The following TNPO1 variants were observed in gnomAD, a reference collection of about 807,000 sequenced individuals.
TNPO1 encodes transportin 1, also known as transportin-1.
Under a neutral mutation model 119.5 loss-of-function variants are expected in TNPO1, and 8 were observed. The observed-to-expected ratio is 0.07, with a 90% CI of 0.04 to 0.12. The LOEUF (loss-of-function observed/expected upper bound fraction) is 0.12, where lower values mean the gene tolerates loss of function less well. Among genes scored for constraint, TNPO1 ranks in the 10% least tolerant of loss-of-function variants. The probability of loss-of-function intolerance (pLI) is 1.00; values close to 1 mark genes in which losing one functional copy is unlikely to be tolerated. For synonymous variants in TNPO1, 362 were observed against 363.0 expected, an observed-to-expected ratio of 1.00 and a Z score of 0.03; for missense variants, 576 against 1,089.8, an observed-to-expected ratio of 0.53 and a Z score of 6.64.
At chr5:72,878,840 C>T (rs1372888218) in intron 9 of TNPO1, 6 of 428,446 alleles carry the variant, frequency 1.4e-5, no homozygotes, top group East Asian at 6.7e-5. Context: ...AGCAGAAATC[C>T]GCTTTTATTT....
chr5:72,867,501 A>C (rs1037390044), intron 6 of TNPO1, among the ~76,000 whole-genome samples: 3 of 152,198 alleles, frequency 2.0e-5, no homozygotes, highest in African/African-American at 7.2e-5. Flanking sequence ...CCATTTTATC[A>C]GACTTGAGGT....
Position 72,896,793 on chromosome 5 carries a change from T to C in TNPO1, c.2242+237T>C, listed in dbSNP as rs548998243. Among the ~76,000 whole-genome samples the C allele has an allele frequency of 6.9e-4, 105 of 152,262 alleles. 1 individual carries two copies. The highest frequency in any genetic ancestry group is 1.1e-3 in the Non-Finnish European group (78 of 68,000). ...CTGAGTCAGGAGAATCACTTGAACC[T>C]GGGAGGCAGAGGTTTCAGTGAGCTG... On this transcript the variant is annotated intron_variant, in intron 19 of 24. Transcript: ENST00000337273.
chr5:72,858,819 AGAGT>A (rs1264744246), intron 4 of TNPO1, among the ~76,000 whole-genome samples: 2 of 151,894 alleles, frequency 1.3e-5, no homozygotes, highest in African/African-American at 2.4e-5. Context: ...CCTGGATGAC[AGAGT>A]GAGACTCCGT....
At chr5:72,865,068 A>G (rs1435676283) in intron 5 of TNPO1, among the ~76,000 whole-genome samples, 1 of 152,236 alleles carries the variant, frequency 6.6e-6, no homozygotes, top group East Asian at 1.9e-4. Context: ...CTTCTAAGTC[A>G]TTTAATGCTA....
chr5:72,848,740 C>CGGCTTCCGGCGCGCAGGAGGCGGG (rs1745298618), intron 2 of TNPO1, among the ~76,000 whole-genome samples: 2 of 146,678 alleles, frequency 1.4e-5, no homozygotes, highest in African/African-American at 4.9e-5. Flanking sequence ...CCAAGGCCAC[C>CGGCTTCCGGCGCGCAGGAGGCGGG]GGCTTCCGGC....
intron 22 of TNPO1, among the ~76,000 whole-genome samples, chr5:72,903,016 A>G (rs898712931): frequency 1.3e-5 from 2 of 152,308 alleles, no homozygotes; most frequent in East Asian, 3.9e-4. Flanking sequence ...AATATGTTGA[A>G]TGCTGTTTGT....
chr5:72,906,141 T>C (rs1189396125), intron 24 of TNPO1, among the ~76,000 whole-genome samples: 1 of 152,120 alleles, frequency 6.6e-6, no homozygotes, highest in East Asian at 1.9e-4. Flanking sequence ...CATGAATTTA[T>C]AGTCTCTGCT....
At chr5:72,862,758 A>T (rs753276038) in intron 5 of TNPO1, among the ~76,000 whole-genome samples, 10 of 151,612 alleles carry the variant, frequency 6.6e-5, no homozygotes, top group Non-Finnish European at 1.0e-4. Context: ...TGATTCTCCC[A>T]CCTCAGCCTC....
In TNPO1 at chr5:72,875,746, G is replaced by T. The variant is rs767221123; in HGVS notation, c.801+9G>T. On this transcript the variant is annotated intron_variant, in intron 8 of 24. Transcript: ENST00000337273. The stretch of plus-strand genomic sequence containing the variant: ...TGCATAATATAGTTGAGGTAACACT[G>T]GCAATTTAAAGGCTCTTTCATCATC... 2.5e-6 allele frequency: 4 copies of T among 1,588,722 alleles called. No individual in the cohort carries two copies. The highest frequency in any genetic ancestry group is 1.7e-6 in the Non-Finnish European group (2 of 1,161,008).
chr5:72,888,464 G>A (rs1366050146), intron 13 of TNPO1, among the ~76,000 whole-genome samples, 161 bp downstream of exon 13: 1 of 152,186 alleles, frequency 6.6e-6, no homozygotes, highest in Non-Finnish European at 1.5e-5. Context: ...TCTTGGTGAA[G>A]TGTTTTGCAG....
chr5:72,880,770 C>G (rs1285727457), intron 9 of TNPO1, among the ~76,000 whole-genome samples: 2 of 141,194 alleles, frequency 1.4e-5, no homozygotes, highest in East Asian at 4.3e-4. Context: ...GAGCCAAGAT[C>G]GTGCCATTGC....
chr5:72,888,766 A>T (rs1240807028), intron 13 of TNPO1, among the ~76,000 whole-genome samples: 3 of 152,168 alleles, frequency 2.0e-5, no homozygotes. Context: ...AACCACCATA[A>T]CTCAGAAAGT....
chr5:72,830,926 G>A (rs16901619), intron 1 of TNPO1, among the ~76,000 whole-genome samples: 8,798 of 152,100 alleles, frequency 0.058, 359 homozygotes, highest in Admixed American at 0.12. Flanking sequence ...AGTCATGAAT[G>A]GTATCTACCT....
At chr5:72,863,027 G>T (rs373374385) in intron 5 of TNPO1, among the ~76,000 whole-genome samples, 13 of 119,996 alleles carry the variant, frequency 1.1e-4, no homozygotes, top group African/African-American at 1.8e-4. Context: ...TGTGTGTGTG[G>T]TTTTTTTTGT....
rs566031735 is a variant in TNPO1 at position 72,913,087 on chromosome 5, T to G, written c.*4414T>G. The G allele has an allele frequency of 9.8e-5, 15 of 152,608 alleles. No individual in the cohort carries two copies. Among genetic ancestry groups the G allele is most frequent in the African/African-American group, 3.6e-4 (15 of 41,560 alleles). The allele number at this position is 152,608 out of a possible 1,614,324, so 9.5% of individuals were successfully genotyped here. On this transcript the variant is annotated 3_prime_UTR_variant, in exon 25 of 25. Transcript: ENST00000337273. ...CAGATAGTTAAGGGCTTGGGATAAT[T>G]TAAGTGAAAAGTGAGATCAGTAATG...
At chr5:72,852,924 T>A (rs1480074167) in intron 3 of TNPO1, among the ~76,000 whole-genome samples, 1 of 152,214 alleles carries the variant, frequency 6.6e-6, no homozygotes, top group Admixed American at 6.5e-5. Flanking sequence ...TTTCTGACAG[T>A]TTGTGATCAA....
chr5:72,841,844 A>AT (rs1015098769), intron 1 of TNPO1, among the ~76,000 whole-genome samples: 14 of 151,088 alleles, frequency 9.3e-5, no homozygotes, highest in African/African-American at 3.2e-4. Context: ...GATAGCTCTG[A>AT]TTTTTTTTCT....
At chr5:72,893,004 A>T in intron 15 of TNPO1, 135 bp from the exon 16 acceptor site, 1 of 554,692 alleles carries the variant, frequency 1.8e-6, no homozygotes, top group East Asian at 3.0e-5. Context: ...GGGTGGGGGG[A>T]GGGGAACCTG....
intron 6 of TNPO1, among the ~76,000 whole-genome samples, chr5:72,866,525 G>A (rs1001051413): frequency 5.3e-5 from 8 of 152,116 alleles, no homozygotes; most frequent in African/African-American, 1.9e-4. Context: ...AGGCCCAGGT[G>A]GGTGGATCGC....
Sources: allele counts gnomAD v4.1 joint callset (sites outside exome capture counted in the v4.1 genomes callset), GRCh38; gene constraint gnomAD v4.1.1; transcripts MANE v1.5; gene names NCBI Gene and HGNC (gene_info 2026-07-23, HGNC 2026-07-21).